EXOC2: variants seen among roughly 807,000 people sequenced by gnomAD.
The protein encoded by EXOC2 is SEC5-like 1.
EXOC2 carries 70 observed loss-of-function variants against 131.8 expected under a neutral mutation model. The observed-to-expected ratio is 0.53, with a 90% CI of 0.44 to 0.65. The LOEUF is 0.65. Ranked by LOEUF, EXOC2 falls within the 30% of genes least tolerant of loss-of-function variation. The pLI is 0.00. For missense variants in EXOC2, 923 were observed against 1,108.6 expected (o/e 0.83, Z 2.38); for synonymous variants, 411 against 398.4 (o/e 1.03, Z -0.38).
intron 22 of EXOC2, among the ~76,000 whole-genome samples, chr6:535,278 T>C (rs1766370235): frequency 1.3e-5 from 2 of 152,150 alleles, no homozygotes; most frequent in Admixed American, 6.5e-5. Context: ...GGTGAGAGAA[T>C]GACTTTAGCC....
At chr6:544,876 G>A (rs970292932) in intron 22 of EXOC2, among the ~76,000 whole-genome samples, 21 of 151,922 alleles carry the variant, frequency 1.4e-4, no homozygotes, top group Non-Finnish European at 1.0e-4. Context: ...GGCCGGGCGC[G>A]GTGGCTCACG....
At chr6:504,679 C>A (rs1744960692) in intron 23 of EXOC2, among the ~76,000 whole-genome samples, 1 of 152,166 alleles carries the variant, frequency 6.6e-6, no homozygotes, top group Non-Finnish European at 1.5e-5. Flanking sequence ...CAGACAACTG[C>A]CTACTCTGCG....
At chr6:672,901 A>G (rs1039308520) in intron 1 of EXOC2, among the ~76,000 whole-genome samples, 1 of 152,190 alleles carries the variant, frequency 6.6e-6, no homozygotes, top group African/African-American at 2.4e-5. Flanking sequence ...TTTACAATTT[A>G]CTCAGAGCTT....
intron 4 of EXOC2, among the ~76,000 whole-genome samples, chr6:626,996 TA>T (rs1467495481): frequency 6.6e-6 from 1 of 152,212 alleles, no homozygotes; most frequent in Non-Finnish European, 1.5e-5. Context: ...GGTTTTTAAT[TA>T]TTTTTTTAAA....
rs544186751 is a variant in EXOC2 at position 578,474 on chromosome 6, A to G, written c.1193-1592T>C. ...AAAAAACGCTAAGCAGAGGAGGTAA[A>G]TAGTGATTGTGTGGTAAGAAAAGGC... On this transcript the variant is annotated intron_variant, in intron 11 of 27. Transcript: ENST00000230449. Among the ~76,000 whole-genome samples, 416 of 152,218 alleles carry G rather than the reference A, an allele frequency of 2.7e-3. 3 individuals are homozygous for G. The highest frequency in any genetic ancestry group is 9.6e-3 in the African/African-American group (398 of 41,546).
intron 2 of EXOC2, among the ~76,000 whole-genome samples, chr6:636,064 A>G (rs1762087943): frequency 6.6e-6 from 1 of 152,276 alleles, no homozygotes. Context: ...TCCGTCTCAA[A>G]ACAAAAAACA....
At chr6:642,921 T>C (rs1293839534) in intron 1 of EXOC2, among the ~76,000 whole-genome samples, 5 of 149,716 alleles carry the variant, frequency 3.3e-5, no homozygotes, top group Non-Finnish European at 5.9e-5. Flanking sequence ...AAGGCATTTT[T>C]CAAGTAAAAA....
chr6:549,937 A>C (rs898335938), intron 21 of EXOC2, among the ~76,000 whole-genome samples: 3 of 152,254 alleles, frequency 2.0e-5, no homozygotes, highest in Admixed American at 6.5e-5. Flanking sequence ...CAAGCCAGTT[A>C]CTTCTACATT....
chr6:588,585 C>T (rs967597744), intron 11 of EXOC2, among the ~76,000 whole-genome samples: 2 of 152,224 alleles, frequency 1.3e-5, no homozygotes, highest in African/African-American at 4.8e-5. Flanking sequence ...GAACTCCTGA[C>T]CTTGTGATCC....
chr6:536,422 GA>G lies in EXOC2; in HGVS notation c.2239-3813del, dbSNP rs558911637. Among the ~76,000 whole-genome samples, 7 of 152,066 alleles carry G rather than the reference GA, an allele frequency of 4.6e-5. No individual in the cohort carries two copies. In the South Asian group the frequency reaches 1.2e-3, roughly 27 times the overall value. On this transcript the variant is annotated intron_variant, in intron 22 of 27. Coordinates refer to ENST00000230449, the MANE Select transcript of EXOC2 (RefSeq NM_018303.6). ...CAAAAGACATGGAAAATCTCTAATG[GA>G]AACTACAAAACACTGCTGAAAGAAA...
At chr6:488,188 C>T (rs1334920820) in intron 27 of EXOC2, among the ~76,000 whole-genome samples, 2 of 152,162 alleles carry the variant, frequency 1.3e-5, no homozygotes. Flanking sequence ...GCGTCGATGC[C>T]ATGTGACAGC....
At chr6:681,717 A>C (rs778775836) in intron 1 of EXOC2, among the ~76,000 whole-genome samples, 30 of 152,252 alleles carry the variant, frequency 2.0e-4, no homozygotes, top group South Asian at 8.3e-4. Context: ...TCTAATGAAA[A>C]GTGCAAATAA....
At chr6:526,432 A>ATTTTTTTTTTTT (rs70985804) in intron 23 of EXOC2, among the ~76,000 whole-genome samples, 1 of 76,006 alleles carries the variant, frequency 1.3e-5, no homozygotes, top group Non-Finnish European at 2.4e-5. Context: ...TTCTTTGTGG[A>ATTTTTTTTTTTT]TTTTTTTTTT....
chr6:619,983 G>A (rs1268593499), intron 4 of EXOC2, among the ~76,000 whole-genome samples: 1 of 152,158 alleles, frequency 6.6e-6, no homozygotes, highest in Non-Finnish European at 1.5e-5. Flanking sequence ...GATGAAAGTT[G>A]TTTTAAGACA....
intron 25 of EXOC2, among the ~76,000 whole-genome samples, chr6:492,115 T>C (rs931500367): frequency 1.3e-5 from 2 of 152,132 alleles, no homozygotes; most frequent in Non-Finnish European, 2.9e-5. Flanking sequence ...ATGCCGAAAG[T>C]ATAAACAACA....
intron 2 of EXOC2, among the ~76,000 whole-genome samples, chr6:635,837 C>T (rs190042145): frequency 1.3e-5 from 2 of 152,214 alleles, no homozygotes; most frequent in African/African-American, 2.4e-5. Flanking sequence ...CCGAGGCAGG[C>T]GGATCACGAG....
chr6:491,216 C>T (rs768809366), intron 25 of EXOC2, 30 bp from the exon 26 acceptor site: 2 of 1,610,804 alleles, frequency 1.2e-6, no homozygotes, highest in South Asian at 2.2e-5. Context: ...AAAGTGACAA[C>T]AGGAAAATTT....
intron 23 of EXOC2, among the ~76,000 whole-genome samples, chr6:530,206 C>T (rs1765996019): frequency 1.3e-5 from 2 of 152,186 alleles, no homozygotes; most frequent in Non-Finnish European, 1.5e-5. Flanking sequence ...AATGTACTTT[C>T]CTACTGAGAA....
At chr6:575,869 T>G (rs1758550250) in intron 12 of EXOC2, among the ~76,000 whole-genome samples, 1 of 152,218 alleles carries the variant, frequency 6.6e-6, no homozygotes, top group African/African-American at 2.4e-5. Flanking sequence ...ACGGTTCTGA[T>G]CTAACATTGT....
Sources: allele counts gnomAD v4.1 joint callset (sites outside exome capture counted in the v4.1 genomes callset), GRCh38; gene constraint gnomAD v4.1.1; transcripts MANE v1.5; gene names NCBI Gene and HGNC (gene_info 2026-07-23, HGNC 2026-07-21).